GYPC: variants seen among roughly 807,000 people sequenced by gnomAD.
GYPC encodes glycophorin-C.
Under a neutral mutation model 12.6 loss-of-function variants are expected in GYPC, and 14 were observed. The ratio of observed to expected loss-of-function variants is 1.11; its 90% CI spans 0.74 to 1.74. The LOEUF is 1.74. Among genes scored for constraint, GYPC ranks in the 40% most tolerant of loss-of-function variants. The pLI is 0.00. For missense variants in GYPC, 225 were observed against 172.1 expected, an observed-to-expected ratio of 1.31 and a Z score of -1.72; for synonymous variants, 78 against 62.1, an observed-to-expected ratio of 1.26 and a Z score of -1.20.
chr2:126,660,748 G>T (rs1682511581), intron 1 of GYPC, among the ~76,000 whole-genome samples: 1 of 152,156 alleles, frequency 6.6e-6, no homozygotes, highest in African/African-American at 2.4e-5. Flanking sequence ...TCACTCAGGA[G>T]CTCCTGGTCC....
At chr2:126,686,016 A>T (rs4662686) in intron 1 of GYPC, 1 of 985,090 alleles carries the variant, frequency 1.0e-6, no homozygotes, top group Non-Finnish European at 1.2e-6. Flanking sequence ...GGACAGGAGG[A>T]AGACAGGAAG....
At chr2:126,676,181 G>T (rs1355716515) in intron 1 of GYPC, among the ~76,000 whole-genome samples, 1 of 152,186 alleles carries the variant, frequency 6.6e-6, no homozygotes, top group African/African-American at 2.4e-5. Context: ...CTTAAGCAAA[G>T]GTTTCTTGCC....
intron 1 of GYPC, among the ~76,000 whole-genome samples, chr2:126,677,728 G>T (rs553428467): frequency 6.8e-4 from 104 of 152,240 alleles, no homozygotes; most frequent in African/African-American, 2.2e-3. Context: ...CGAGGGTCCG[G>T]GAGGGGTGCT....
chr2:126,674,915 G>A (rs971529070), intron 1 of GYPC, among the ~76,000 whole-genome samples: 2 of 152,218 alleles, frequency 1.3e-5, no homozygotes, highest in African/African-American at 4.8e-5. Context: ...AGGCTGGCAT[G>A]CAATATTTGG....
intron 1 of GYPC, among the ~76,000 whole-genome samples, chr2:126,659,580 GC>G (rs1682473933): frequency 6.6e-6 from 1 of 152,150 alleles, no homozygotes; most frequent in African/African-American, 2.4e-5. Context: ...TTGGGAGGTG[GC>G]TTTTGTTAGC....
intron 1 of GYPC, among the ~76,000 whole-genome samples, chr2:126,676,880 A>T (rs544157303): frequency 1.3e-5 from 2 of 152,300 alleles, no homozygotes; most frequent in East Asian, 3.9e-4. Flanking sequence ...AGCAAAATGA[A>T]ATTGAATTGG....
chr2:126,691,922 T>C (rs759159760), intron 2 of GYPC, among the ~76,000 whole-genome samples: 7 of 152,108 alleles, frequency 4.6e-5, no homozygotes, highest in Non-Finnish European at 8.8e-5. Context: ...TTAAGCAAGG[T>C]GTTATTCTTT....
intron 2 of GYPC, among the ~76,000 whole-genome samples, 174 bp downstream of exon 2, chr2:126,690,485 G>C (rs1267057368): frequency 6.6e-6 from 1 of 152,182 alleles, no homozygotes; most frequent in Admixed American, 6.5e-5. Flanking sequence ...CTCTCCCTCA[G>C]AGGTGGTTTT....
intron 1 of GYPC, chr2:126,657,823 G>C (rs551649136): frequency 4.6e-5 from 7 of 152,384 alleles, no homozygotes; most frequent in Admixed American, 3.9e-4. Context: ...GCCCTTGCTT[G>C]CAAGCCATTC....
intron 1 of GYPC, among the ~76,000 whole-genome samples, chr2:126,670,166 G>A (rs150434255): frequency 3.6e-4 from 55 of 152,332 alleles, no homozygotes; most frequent in Non-Finnish European, 5.3e-4. Context: ...TTCTGAGACC[G>A]CAGCTCCCAC....
chr2:126,690,115 G>A, intron 1 of GYPC, 140 bp from the exon 2 acceptor site: 1 of 735,504 alleles, frequency 1.4e-6, no homozygotes, highest in Non-Finnish European at 2.5e-6. Flanking sequence ...GAGTCGGTGG[G>A]TGCACCACAC....
chr2:126,693,949 T>G lies in GYPC; in HGVS notation c.190+2T>G. On this transcript the variant is annotated splice_donor_variant, in intron 3 of 3. Transcript: ENST00000259254. LOFTEE classifies it high-confidence loss of function. The stretch of plus-strand genomic sequence containing the variant: ...TAATGGACATTGTCGTCATTGCAGG[T>G]GAGCTCTCATCACAGAGCCCTTCAA... The G allele has an allele frequency of 6.3e-7, 1 of 1,595,578 alleles. No individual in the cohort carries two copies. Among genetic ancestry groups the G allele is most frequent in the Non-Finnish European group, 8.6e-7 (1 of 1,163,118 alleles).
chr2:126,694,326 G>T (rs1387911797), intron 3 of GYPC, among the ~76,000 whole-genome samples: 1 of 152,062 alleles, frequency 6.6e-6, no homozygotes, highest in East Asian at 1.9e-4. Flanking sequence ...CTGGGTCCAT[G>T]ACCCTCAACC....
intron 1 of GYPC, among the ~76,000 whole-genome samples, chr2:126,677,519 CTGTGTGTGTGTGAGTCTG>C (rs1683036209): frequency 1.3e-5 from 1 of 74,888 alleles, no homozygotes; most frequent in Non-Finnish European, 3.3e-5. Context: ...GTGTGTGAGT[CTGTGTGTGTGTGAGTCTG>C]TGTGTATGTG....
chr2:126,683,976 C>T (rs1424246766), intron 1 of GYPC, among the ~76,000 whole-genome samples: 2 of 152,204 alleles, frequency 1.3e-5, no homozygotes, highest in Non-Finnish European at 2.9e-5. Context: ...CCAGATGGTG[C>T]AGTGCAGCCT....
intron 1 of GYPC, among the ~76,000 whole-genome samples, chr2:126,661,362 C>T (rs989682248): frequency 4.6e-5 from 7 of 152,168 alleles, no homozygotes; most frequent in Non-Finnish European, 7.3e-5. Context: ...CTGGCGTCAC[C>T]ACCCCTCCTT....
chr2:126,684,436 C>G (rs1359002914), intron 1 of GYPC, among the ~76,000 whole-genome samples: 1 of 152,026 alleles, frequency 6.6e-6, no homozygotes, highest in Admixed American at 6.6e-5. Context: ...GCTTACTGAC[C>G]ACTCTATCAT....
intron 2 of GYPC, among the ~76,000 whole-genome samples, chr2:126,690,550 A>G (rs192381954): frequency 6.6e-6 from 1 of 152,212 alleles, no homozygotes; most frequent in Non-Finnish European, 1.5e-5. Flanking sequence ...TAGGTATGTC[A>G]TATGTATCTG....
chr2:126,681,179 C>T (rs1333595141), intron 1 of GYPC, among the ~76,000 whole-genome samples: 3 of 152,130 alleles, frequency 2.0e-5, no homozygotes, highest in African/African-American at 7.2e-5. Flanking sequence ...ACATTTGAAG[C>T]GTATTTCTTT....
Sources: gnomAD v4.1 joint callset for allele counts (sites outside exome capture counted in the v4.1 genomes callset) on GRCh38, gnomAD v4.1.1 for gene constraint, MANE v1.5 for transcripts, NCBI Gene and HGNC (gene_info 2026-07-23, HGNC 2026-07-21) for gene names.